MYRIP: variants seen among roughly 807,000 people sequenced by gnomAD.
MYRIP encodes the protein rab effector MyRIP.
A neutral mutation model predicts 98.0 loss-of-function variants in MYRIP; 49 were observed. The ratio of observed to expected loss-of-function variants is 0.50; its 90% confidence interval spans 0.40 to 0.63. The LOEUF (loss-of-function observed/expected upper bound fraction) is 0.63. MYRIP is among the 30% of genes least tolerant of loss of function. The pLI is 0.00. For missense variants in MYRIP, 1,004 were observed against 1,058.2 expected (o/e 0.95, Z 0.71); for synonymous variants, 404 against 409.5 (o/e 0.99, Z 0.16).
intron 11 of MYRIP, among the ~76,000 whole-genome samples, chr3:40,215,276 C>T (rs1952081152): frequency 6.6e-6 from 1 of 152,084 alleles, no homozygotes. Flanking sequence ...TTCAAACTGA[C>T]TCATAGTTTC....
intron 2 of MYRIP, among the ~76,000 whole-genome samples, chr3:40,006,481 T>C (rs1250711625): frequency 6.6e-6 from 1 of 152,176 alleles, no homozygotes; most frequent in African/African-American, 2.4e-5. Flanking sequence ...AGATATGTTA[T>C]ATTTAGGGGC....
chr3:40,119,923 A>T (rs866385648), intron 3 of MYRIP, among the ~76,000 whole-genome samples: 7 of 151,696 alleles, frequency 4.6e-5, no homozygotes, highest in African/African-American at 1.5e-4. Flanking sequence ...TAATAATAAT[A>T]AAATAAATAA....
chr3:40,051,564 C>G (rs112241526), intron 3 of MYRIP, among the ~76,000 whole-genome samples: 1,629 of 152,092 alleles, frequency 0.011, 31 homozygotes, highest in African/African-American at 0.036. Context: ...TTGTGATATT[C>G]GCTTTATTGT....
chr3:40,084,292 G>A (rs1360747965), intron 3 of MYRIP, among the ~76,000 whole-genome samples: 24 of 33,068 alleles, frequency 7.3e-4, no homozygotes, highest in African/African-American at 4.3e-4. Flanking sequence ...ATTATATATC[G>A]ATATATAATA....
intron 1 of MYRIP, among the ~76,000 whole-genome samples, chr3:39,893,931 A>G (rs1414657763): frequency 6.6e-6 from 1 of 152,188 alleles, no homozygotes; most frequent in Non-Finnish European, 1.5e-5. Context: ...GCTATTGTAA[A>G]TAACACTAAA....
intron 3 of MYRIP, among the ~76,000 whole-genome samples, chr3:40,107,414 A>C (rs902356106): frequency 6.6e-6 from 1 of 152,216 alleles, no homozygotes; most frequent in African/African-American, 2.4e-5. Context: ...ATAAAGTTGT[A>C]TAAAAGACAG....
chr3:40,182,480 A>G (rs1950907886), intron 9 of MYRIP, 107 bp downstream of exon 9: 1 of 1,306,198 alleles, frequency 7.7e-7, no homozygotes, highest in Non-Finnish European at 1.0e-6. Flanking sequence ...ATAAGTCTGA[A>G]CTGGTGTGTG....
intron 2 of MYRIP, among the ~76,000 whole-genome samples, chr3:39,989,640 G>T (rs1946121167): frequency 6.7e-6 from 1 of 148,248 alleles, no homozygotes; most frequent in African/African-American, 2.6e-5. Flanking sequence ...CTACTGGTCT[G>T]CAGAGACTGC....
chr3:39,835,385 C>T (rs906956377), intron 1 of MYRIP, among the ~76,000 whole-genome samples: 7 of 151,958 alleles, frequency 4.6e-5, no homozygotes, highest in African/African-American at 1.7e-4. Flanking sequence ...GGTGGGGAAC[C>T]AGCTGAATAA....
intron 12 of MYRIP, among the ~76,000 whole-genome samples, chr3:40,235,291 C>G (rs11922676): frequency 0.058 from 8,782 of 152,144 alleles, 352 homozygotes; most frequent in Non-Finnish European, 0.089. Flanking sequence ...AGGAAAATGC[C>G]TAACATCAAC....
In MYRIP at chr3:40,120,922, C is replaced by T. The variant is rs546571141; in HGVS notation, c.333-30126C>T. On this transcript the variant is annotated intron_variant, in intron 3 of 16. Coordinates refer to ENST00000302541, the MANE Select transcript of MYRIP (RefSeq NM_015460.4). ...CCAAATAATTGAGACTAAATGAAACCATTTCATTCCCCCATCCCCCAGTCC... is the reference window on the plus strand; with the variant it reads ...CCAAATAATTGAGACTAAATGAAACTATTTCATTCCCCCATCCCCCAGTCC... Among the ~76,000 whole-genome samples the T allele has an allele frequency of 2.6e-5, 4 of 152,236 alleles. No individual in the cohort carries two copies. The East Asian group carries it at 7.7e-4, about 29-fold the overall frequency.
Position 39,959,782 on chromosome 3 carries a change from T to C in MYRIP, c.110+58856T>C, listed in dbSNP as rs139514931. On this transcript the variant is annotated intron_variant, in intron 2 of 16. Transcript: ENST00000302541. ...AGTTTTAAGTATCAATTCAATATAATTAAATATTGTGTAACATATGTTGAA... is the reference window on the plus strand; with the variant it reads ...AGTTTTAAGTATCAATTCAATATAACTAAATATTGTGTAACATATGTTGAA... 1.2e-4 allele frequency among the ~76,000 whole-genome samples: 18 copies of C among 152,194 alleles called. No homozygotes were observed. In the East Asian group the frequency reaches 2.9e-3, roughly 25 times the overall value.
At chr3:39,935,242 A>T (rs959797955) in intron 2 of MYRIP, among the ~76,000 whole-genome samples, 2 of 152,140 alleles carry the variant, frequency 1.3e-5, no homozygotes, top group African/African-American at 4.8e-5. Flanking sequence ...GTGGGACTGG[A>T]AAGTCTCAAG....
At chr3:40,213,746 AC>A in intron 11 of MYRIP, among the ~76,000 whole-genome samples, 1 of 152,172 alleles carries the variant, frequency 6.6e-6, no homozygotes, top group South Asian at 2.1e-4. Flanking sequence ...AAGTCCAACT[AC>A]CTGAGGACCT....
At chr3:40,228,106 C>G (rs989711920) in intron 11 of MYRIP, among the ~76,000 whole-genome samples, 3 of 152,108 alleles carry the variant, frequency 2.0e-5, no homozygotes, top group Non-Finnish European at 2.9e-5. Context: ...ATGAACAGCC[C>G]TCTTGGAGGT....
At chr3:40,166,805 A>G (rs775510455) in intron 5 of MYRIP, 41 bp from the exon 6 acceptor site, 20 of 1,319,190 alleles carry the variant, frequency 1.5e-5, no homozygotes, top group Non-Finnish European at 2.2e-5. Flanking sequence ...TTTACTCATC[A>G]TTCCCTTTTA....
chr3:39,959,473 T>A (rs11712385), intron 2 of MYRIP, among the ~76,000 whole-genome samples: 39,856 of 151,716 alleles, frequency 0.26, 5,743 homozygotes, highest in Middle Eastern at 0.37. Flanking sequence ...AATTGAACAA[T>A]GAGAACACTT....
chr3:40,138,079 C>G (rs372307563), intron 3 of MYRIP, among the ~76,000 whole-genome samples: 6 of 152,366 alleles, frequency 3.9e-5, no homozygotes, highest in African/African-American at 1.4e-4. Flanking sequence ...AGTGGAAAGA[C>G]AGGTCACCAT....
At position 40,210,063 on chromosome 3, in the gene MYRIP, C is replaced by T. The variant is rs1245399015; in HGVS notation, c.1875C>T (p.Asn625=). 1.2e-6 allele frequency: 2 copies of T among 1,614,016 alleles called. No homozygotes were observed. The highest frequency in any genetic ancestry group is 1.1e-5 in the South Asian group (1 of 91,072). The change falls in exon 11 of 17, where the codon AAC becomes AAT. Residue 625 remains asparagine, a synonymous_variant. Transcript: ENST00000302541. ...NQKESLSSED[N]SQSVQEELKK... is the part of the protein sequence containing the mutation. The stretch of plus-strand genomic sequence containing the variant: ...AGGAAAGTCTGTCCTCTGAAGACAA[C>T]AGCCAGAGTGTCCAGGAAGAGCTGA...
Sources: allele counts gnomAD v4.1 joint callset (sites outside exome capture counted in the v4.1 genomes callset), GRCh38; gene constraint gnomAD v4.1.1; transcripts MANE v1.5; gene names NCBI Gene and HGNC (gene_info 2026-07-23, HGNC 2026-07-21).